Variants in ADAMTSL1 observed in about 807,000 individuals in gnomAD.
The protein encoded by ADAMTSL1 is ADAMTS-like protein 1.
In ADAMTSL1, 126 loss-of-function variants were observed where a neutral mutation model predicts 201.8. The observed-to-expected ratio is 0.62, with a 90% CI of 0.54 to 0.72. The LOEUF is 0.72. Among genes scored for constraint, ADAMTSL1 ranks in the 30% least tolerant of loss-of-function variants. The probability of loss-of-function intolerance (pLI) is 0.00; values close to 1 mark genes in which losing one functional copy is unlikely to be tolerated. For synonymous variants in ADAMTSL1, 1,121 were observed against 903.4 expected (o/e 1.24, Z -4.32); for missense variants, 2,679 against 2,277.8 (o/e 1.18, Z -3.59).
chr9:18,762,588 T>C (rs927661692), intron 16 of ADAMTSL1, among the ~76,000 whole-genome samples: 4 of 152,052 alleles, frequency 2.6e-5, no homozygotes, highest in African/African-American at 9.7e-5. Context: ...AAATAGTAGG[T>C]CTTATTCTAT....
At chr9:18,758,575 T>G (rs1819900194) in intron 16 of ADAMTSL1, among the ~76,000 whole-genome samples, 1 of 152,170 alleles carries the variant, frequency 6.6e-6, no homozygotes, top group East Asian at 1.9e-4. Context: ...TCATGGCCCC[T>G]TCCTCCATCT....
At chr9:18,415,978 C>G (rs1028643777) in intron 2 of ADAMTSL1, among the ~76,000 whole-genome samples, 2 of 151,856 alleles carry the variant, frequency 1.3e-5, no homozygotes, top group Non-Finnish European at 2.9e-5. Flanking sequence ...GTAGGTGAAA[C>G]AAAAGCTTTT....
At chr9:18,348,291 C>T (rs1338258357) in intron 2 of ADAMTSL1, among the ~76,000 whole-genome samples, 4 of 152,116 alleles carry the variant, frequency 2.6e-5, no homozygotes, top group African/African-American at 4.8e-5. Flanking sequence ...GGGAGAGTCA[C>T]GGGTTAGGGC....
At chr9:18,494,175 G>A (rs900383476) in intron 1 of ADAMTSL1, among the ~76,000 whole-genome samples, 1 of 152,064 alleles carries the variant, frequency 6.6e-6, no homozygotes, top group Non-Finnish European at 1.5e-5. Flanking sequence ...GGGGAACATG[G>A]TGAAACCCTG....
chr9:18,307,312 A>G (rs1833947883), intron 2 of ADAMTSL1, among the ~76,000 whole-genome samples: 1 of 152,178 alleles, frequency 6.6e-6, no homozygotes, highest in Non-Finnish European at 1.5e-5. Context: ...ACCAGCTACC[A>G]TCATAATGAC....
chr9:18,452,162 C>T (rs997761507), intron 2 of ADAMTSL1, among the ~76,000 whole-genome samples: 1 of 152,154 alleles, frequency 6.6e-6, no homozygotes, highest in Non-Finnish European at 1.5e-5. Flanking sequence ...ATCCACCCGC[C>T]TCAGCCTCCG....
intron 20 of ADAMTSL1, among the ~76,000 whole-genome samples, chr9:18,807,160 A>G (rs560911714): frequency 2.6e-5 from 4 of 152,020 alleles, no homozygotes; most frequent in African/African-American, 9.7e-5. Flanking sequence ...CGGTTTCCTT[A>G]TTTTTTCTTC....
chr9:18,174,069 G>T (rs1020733088), intron 2 of ADAMTSL1, among the ~76,000 whole-genome samples: 1 of 152,026 alleles, frequency 6.6e-6, no homozygotes, highest in South Asian at 2.1e-4. Context: ...GCTTAACTTC[G>T]GAACTGTCTT....
rs116509171 is a variant in ADAMTSL1 at position 18,344,469 on chromosome 9, A to C, written c.208-160360A>C. Among the ~76,000 whole-genome samples the C allele has an allele frequency of 5.3e-3, 811 of 152,178 alleles. 9 individuals carry two copies. Among genetic ancestry groups the C allele is most frequent in the African/African-American group, 0.019 (783 of 41,496 alleles). On this transcript the variant is annotated intron_variant, in intron 2 of 29. Coordinates refer to the ADAMTSL1 transcript ENST00000680146. ...GGGGCACCTGGCCTTAATTATTTTTAATGACATATTCTGCACCATATCTAT... is the reference window on the plus strand; with the variant it reads ...GGGGCACCTGGCCTTAATTATTTTTCATGACATATTCTGCACCATATCTAT...
intron 1 of ADAMTSL1, among the ~76,000 whole-genome samples, chr9:18,044,477 C>T (rs1430936520): frequency 1.3e-5 from 2 of 152,124 alleles, no homozygotes; most frequent in African/African-American, 2.4e-5. Context: ...CTTCATAACT[C>T]TTGGCCTGCG....
At chr9:18,466,444 A>G (rs1235087400) in intron 2 of ADAMTSL1, among the ~76,000 whole-genome samples, 3 of 152,196 alleles carry the variant, frequency 2.0e-5, no homozygotes, top group African/African-American at 4.8e-5. Context: ...AATTTCAAGT[A>G]GGAAAGATGA....
At chr9:18,797,249 T>G (rs1373921584) in intron 20 of ADAMTSL1, among the ~76,000 whole-genome samples, 1 of 152,220 alleles carries the variant, frequency 6.6e-6, no homozygotes, top group Admixed American at 6.5e-5. Context: ...TGTATAGGTC[T>G]GCTGGAAAGT....
intron 1 of ADAMTSL1, among the ~76,000 whole-genome samples, chr9:18,117,440 T>G (rs1825301703): frequency 6.6e-6 from 1 of 152,096 alleles, no homozygotes; most frequent in Admixed American, 6.6e-5. Context: ...AGCCCTTGCA[T>G]TAGCTGTTTC....
intron 3 of ADAMTSL1, among the ~76,000 whole-genome samples, chr9:18,572,652 G>T (rs2132350240): frequency 6.6e-6 from 1 of 152,176 alleles, no homozygotes; most frequent in African/African-American, 2.4e-5. Flanking sequence ...GAAAGAATTT[G>T]TGCTCCCTCA....
intron 21 of ADAMTSL1, among the ~76,000 whole-genome samples, chr9:18,822,481 C>T (rs1259537909): frequency 2.0e-5 from 3 of 152,148 alleles, no homozygotes; most frequent in Non-Finnish European, 2.9e-5. Context: ...TAATGGCAGG[C>T]GGTGTACACT....
intron 1 of ADAMTSL1, among the ~76,000 whole-genome samples, chr9:18,134,539 G>C (rs1169390294): frequency 6.6e-6 from 1 of 152,084 alleles, no homozygotes; most frequent in East Asian, 1.9e-4. Context: ...GAGTTAAGTG[G>C]TAATCATCCT....
intron 1 of ADAMTSL1, among the ~76,000 whole-genome samples, chr9:18,159,540 C>T (rs961278412): frequency 6.6e-6 from 1 of 152,002 alleles, no homozygotes; most frequent in Non-Finnish European, 1.5e-5. Flanking sequence ...ATAAACATTA[C>T]AATTTTTATA....
intron 2 of ADAMTSL1, among the ~76,000 whole-genome samples, chr9:18,397,927 A>T (rs1212755715): frequency 6.6e-6 from 1 of 152,098 alleles, no homozygotes; most frequent in African/African-American, 2.4e-5. Context: ...CTCCATAAAG[A>T]TGGAATATTT....
chr9:18,886,062 A>T (rs774949848), intron 23 of ADAMTSL1, among the ~76,000 whole-genome samples: 4 of 151,298 alleles, frequency 2.6e-5, no homozygotes, highest in Non-Finnish European at 4.4e-5. Context: ...TGAGGCGAGC[A>T]GATCACTTGA....
Sources: allele counts gnomAD v4.1 joint callset (sites outside exome capture counted in the v4.1 genomes callset), GRCh38; gene constraint gnomAD v4.1.1; transcripts MANE v1.5; gene names NCBI Gene and HGNC (gene_info 2026-07-23, HGNC 2026-07-21).